AKAP7: variants seen among roughly 807,000 people sequenced by gnomAD.
AKAP7 encodes A kinase (PRKA) anchor protein 7.
Under a neutral mutation model 39.5 loss-of-function variants are expected in AKAP7, and 39 were observed. That is an observed-to-expected ratio of 0.99 (90% CI 0.76 to 1.29). AKAP7 has a LOEUF of 1.29. Ranked by LOEUF, AKAP7 falls within the 50% of genes most tolerant of loss-of-function variation. The pLI, the probability that AKAP7 is intolerant of heterozygous loss-of-function variation, is 0.00. For missense variants in AKAP7, 414 were observed against 407.7 expected (o/e 1.02, Z -0.13); for synonymous variants, 140 against 139.1 (o/e 1.01, Z -0.05).
intron 7 of AKAP7, among the ~76,000 whole-genome samples, chr6:131,276,424 C>T (rs1015408390): frequency 6.6e-6 from 1 of 152,034 alleles, no homozygotes; most frequent in African/African-American, 2.4e-5. Context: ...CTGACCTGTC[C>T]TTCCTCACAG....
intron 3 of AKAP7, among the ~76,000 whole-genome samples, chr6:131,162,658 C>G (rs190841090): frequency 5.9e-5 from 9 of 152,312 alleles, no homozygotes; most frequent in African/African-American, 1.9e-4. Context: ...TCTCCTTCAG[C>G]CCTTGCTTTT....
upstream of AKAP7, among the ~76,000 whole-genome samples, chr6:131,132,100 C>A (rs1800341292): frequency 6.6e-6 from 1 of 152,020 alleles, no homozygotes; most frequent in African/African-American, 2.4e-5. Context: ...ATCATGAGGT[C>A]AGGAGATCGA....
rs1803790096 is a variant in AKAP7, at chr6:131,169,154, A to G, written c.470A>G (p.Glu157Gly). The change falls in exon 5 of 8, where the codon GAA (glutamate) becomes GGA (glycine). Residue 157 changes from glutamate (E) to glycine (G), a missense_variant. Coordinates refer to ENST00000431975, the MANE Select transcript of AKAP7 (RefSeq NM_016377.4). ...TTGGAATTGAAACCATTCATAGAAGAACTCCTCCAGGGAAAACATTTGACT... is the reference window on the plus strand; with the variant it reads ...TTGGAATTGAAACCATTCATAGAAGGACTCCTCCAGGGAAAACATTTGACT... ...ALLELKPFIEELLQGKHLTLP... is the reference protein window; with the variant it reads ...ALLELKPFIEGLLQGKHLTLP... 1 of 1,613,610 alleles carries G rather than the reference A, an allele frequency of 6.2e-7. No homozygotes were observed. The highest frequency in any genetic ancestry group is 8.5e-7 in the Non-Finnish European group (1 of 1,179,696).
intron 7 of AKAP7, among the ~76,000 whole-genome samples, chr6:131,273,245 A>G (rs1446697698): frequency 6.6e-6 from 1 of 152,106 alleles, no homozygotes; most frequent in African/African-American, 2.4e-5. Flanking sequence ...GGTACACATC[A>G]TAGTTGATTC....
intron 7 of AKAP7, among the ~76,000 whole-genome samples, chr6:131,245,502 G>A (rs1416627074): frequency 2.0e-5 from 3 of 150,290 alleles, no homozygotes; most frequent in Admixed American, 1.3e-4. Context: ...GAAACAAAAT[G>A]TAATACTGGG....
At chr6:131,262,576 A>G (rs1444468429) in intron 7 of AKAP7, among the ~76,000 whole-genome samples, 5 of 152,172 alleles carry the variant, frequency 3.3e-5, no homozygotes, top group Non-Finnish European at 2.9e-5. Flanking sequence ...TTTACAAAGT[A>G]TGCAAAGATA....
chr6:131,133,865 G>A (rs1366479225), upstream of AKAP7, among the ~76,000 whole-genome samples: 1 of 152,154 alleles, frequency 6.6e-6, no homozygotes, highest in African/African-American at 2.4e-5. Flanking sequence ...AGGAAAAGGG[G>A]GCTTAGCCTT....
chr6:131,167,982 C>T (rs1220376270), intron 4 of AKAP7, among the ~76,000 whole-genome samples: 1 of 152,084 alleles, frequency 6.6e-6, no homozygotes, highest in Non-Finnish European at 1.5e-5. Context: ...GTAATGGCTG[C>T]CCTCTAGTGA....
At chr6:131,129,251 C>T in the AKAP7 span, among the ~76,000 whole-genome samples, 1 of 146,066 alleles carries the variant, frequency 6.8e-6, no homozygotes, top group African/African-American at 2.5e-5. Context: ...CATGCCACTG[C>T]ACTCTAGCCT....
rs371717514 is a variant in AKAP7, at chr6:131,169,109, C to T, written c.429-4C>T. Reference sequence around the variant, plus strand: ...TTACTGAAAAATGTATTATTTCTTACTAGTGGTATTGATGCTCTTTTGGAA... The same window carrying T: ...TTACTGAAAAATGTATTATTTCTTATTAGTGGTATTGATGCTCTTTTGGAA... On this transcript the variant is annotated splice_polypyrimidine_tract_variant and splice_region_variant and intron_variant, in intron 4 of 7. Coordinates refer to ENST00000431975, the MANE Select transcript of AKAP7 (RefSeq NM_016377.4). 323 of 1,598,574 alleles carry T rather than the reference C, an allele frequency of 2.0e-4. 1 individual carries two copies. The highest frequency in any genetic ancestry group is 2.6e-4 in the Non-Finnish European group (301 of 1,167,272).
upstream of AKAP7, among the ~76,000 whole-genome samples, chr6:131,131,467 C>CTT (rs3031855): frequency 0.013 from 1,838 of 138,300 alleles, 42 homozygotes; most frequent in African/African-American, 0.047. Flanking sequence ...CTCTTTCTTT[C>CTT]TTTTTTTTTT....
intron 2 of AKAP7, among the ~76,000 whole-genome samples, chr6:131,155,344 G>A (rs1802325757): frequency 6.6e-6 from 1 of 152,160 alleles, no homozygotes; most frequent in Non-Finnish European, 1.5e-5. Flanking sequence ...CCTATAGTGT[G>A]ATATCAGTAG....
At position 131,222,555 on chromosome 6, in the gene AKAP7, A is replaced by G. The variant is rs147591727; in HGVS notation, c.850+2747A>G. ...AAAAAGAAAAAAGAAAAGAAATAGC[A>G]AGAGAACTAAAATTAGGAGTGAAGC... is the stretch of plus-strand genomic sequence containing the variant. On this transcript the variant is annotated intron_variant, in intron 7 of 7. Transcript: ENST00000431975. 1.6e-3 allele frequency among the ~76,000 whole-genome samples: 239 copies of G among 152,220 alleles called. 1 individual carries two copies. Among genetic ancestry groups the G allele is most frequent in the Admixed American group, 4.4e-3 (67 of 15,278 alleles).
upstream of AKAP7, among the ~76,000 whole-genome samples, chr6:131,134,223 T>G: frequency 6.6e-6 from 1 of 152,172 alleles, no homozygotes; most frequent in Middle Eastern, 3.2e-3. Flanking sequence ...CCACTCGCCT[T>G]GACCTCCCAA....
At position 131,280,602 on chromosome 6, in the gene AKAP7, G is replaced by A. The variant is rs185215986; in HGVS notation, c.851-928G>A. Among the ~76,000 whole-genome samples, 247 of 152,290 alleles carry A rather than the reference G, an allele frequency of 1.6e-3. 3 individuals carry two copies. The highest frequency in any genetic ancestry group is 0.015 in the Admixed American group (237 of 15,292). Reference sequence around the variant, plus strand: ...CAAAACTGAGCTGATCTTAATGTGCGAGCATCCTGTGACTTCTTTGCTTCC... The same window carrying A: ...CAAAACTGAGCTGATCTTAATGTGCAAGCATCCTGTGACTTCTTTGCTTCC... On this transcript the variant is annotated intron_variant, in intron 7 of 7. Coordinates refer to ENST00000431975, the MANE Select transcript of AKAP7 (RefSeq NM_016377.4).
At chr6:131,130,542 C>A (rs866869526), upstream of AKAP7, among the ~76,000 whole-genome samples, 1 of 152,184 alleles carries the variant, frequency 6.6e-6, no homozygotes, top group Non-Finnish European at 1.5e-5. Context: ...GTTGTCCACC[C>A]GCTTCGGCCT....
intron 1 of AKAP7, among the ~76,000 whole-genome samples, chr6:131,142,361 C>G (rs1265505665): frequency 1.3e-5 from 2 of 152,250 alleles, no homozygotes; most frequent in Non-Finnish European, 2.9e-5. Flanking sequence ...CCTGGGGACA[C>G]TGCTCCCCAC....
At chr6:131,184,802 G>A (rs1467787573) in intron 5 of AKAP7, 1 of 1,451,848 alleles carries the variant, frequency 6.9e-7, no homozygotes, top group Non-Finnish European at 9.7e-7. Flanking sequence ...TCAGCCAAGT[G>A]AGAGTGGGCA....
intron 6 of AKAP7, among the ~76,000 whole-genome samples, chr6:131,206,940 C>G (rs1036629317): frequency 6.6e-6 from 1 of 152,274 alleles, no homozygotes; most frequent in South Asian, 2.1e-4. Flanking sequence ...ACTATTCCTT[C>G]TTAAAGGAAT....
Sources: gnomAD v4.1 joint callset for allele counts (sites outside exome capture counted in the v4.1 genomes callset) on GRCh38, gnomAD v4.1.1 for gene constraint, MANE v1.5 for transcripts, NCBI Gene and HGNC (gene_info 2026-07-23, HGNC 2026-07-21) for gene names.